The following CD36 variants were observed in gnomAD, a reference collection of about 807,000 sequenced individuals.
CD36 encodes platelet glycoprotein 4.
In CD36, 119 loss-of-function variants were observed where a neutral mutation model predicts 55.2. The ratio of observed to expected loss-of-function variants is 2.15; its 90% CI spans 1.86 to 2.51. The LOEUF (loss-of-function observed/expected upper bound fraction) is 2.51. Among genes scored for constraint, CD36 ranks in the 30% most tolerant of loss-of-function variants. The pLI is 0.00. For synonymous variants in CD36, 186 were observed against 193.6 expected (o/e 0.96, Z 0.33); for missense variants, 819 against 555.5 (o/e 1.47, Z -4.77).
At chr7:80,673,620 A>AAACAC in intron 13 of CD36, 1 of 571,754 alleles carries the variant, frequency 1.7e-6, no homozygotes, top group Non-Finnish European at 3.1e-6. Context: ...TGCATCTATT[A>AAACAC]AACACATTTT....
At chr7:80,604,844 TA>T (rs1192778433) in intron 1 of CD36, among the ~76,000 whole-genome samples, 3 of 152,042 alleles carry the variant, frequency 2.0e-5, no homozygotes, top group African/African-American at 7.2e-5. Context: ...TTTAGAAAAT[TA>T]AAAAAATATA....
chr7:80,672,068 T>C, intron 11 of CD36, 28 bp downstream of exon 11: 1 of 1,542,700 alleles, frequency 6.5e-7, no homozygotes. Flanking sequence ...TGATCTGATT[T>C]GGTTGATATT....
intron 6 of CD36, 52 bp from the exon 7 acceptor site, chr7:80,664,354 A>G (rs1487013101): frequency 3.1e-6 from 3 of 965,228 alleles, no homozygotes; most frequent in Non-Finnish European, 5.1e-6. Flanking sequence ...GTATTGTACA[A>G]CTTTGAAAAA....
chr7:80,614,600 T>G (rs1347997196), intron 1 of CD36, among the ~76,000 whole-genome samples: 2 of 152,086 alleles, frequency 1.3e-5, no homozygotes, highest in African/African-American at 4.8e-5. Context: ...AATCTTTGCT[T>G]CTTCTTCGCG....
At chr7:80,641,252 T>C (rs1416335685) in intron 1 of CD36, among the ~76,000 whole-genome samples, 1 of 152,144 alleles carries the variant, frequency 6.6e-6, no homozygotes, top group African/African-American at 2.4e-5. Flanking sequence ...AACATAATCA[T>C]AGTTAAATGA....
intron 5 of CD36, 47 bp from the exon 6 acceptor site, chr7:80,662,943 A>G: frequency 1.4e-6 from 2 of 1,434,954 alleles, no homozygotes; most frequent in Non-Finnish European, 2.0e-6. Flanking sequence ...TATTTGTTAA[A>G]ATCTAATATT....
chr7:80,674,076 A>AGTGTTG lies in CD36; in HGVS notation c.1353_1358dup (p.Gly452_Val453dup). ...TGGCCTGATAGAAATGATCTTACTC[A>AGTGTTG]GTGTTGGTGTGGTGATGTTTGTTGC... On this transcript the variant is annotated inframe_insertion, in exon 14 of 15. Coordinates refer to ENST00000447544, the MANE Select transcript of CD36 (RefSeq NM_001001548.3). 1 of 1,611,832 alleles carries AGTGTTG rather than the reference A, an allele frequency of 6.2e-7. No individual in the cohort carries two copies. The highest frequency in any genetic ancestry group is 8.5e-7 in the Non-Finnish European group (1 of 1,178,400).
upstream of CD36, among the ~76,000 whole-genome samples, chr7:80,636,387 A>T (rs1254386633): frequency 6.6e-6 from 1 of 152,108 alleles, no homozygotes; most frequent in East Asian, 1.9e-4. Flanking sequence ...GTGTATACAC[A>T]TGTCAAAATG....
At chr7:80,651,132 G>A (rs1315523592) in intron 3 of CD36, among the ~76,000 whole-genome samples, 1 of 152,018 alleles carries the variant, frequency 6.6e-6, no homozygotes, top group African/African-American at 2.4e-5. Context: ...GATTAATGCA[G>A]GAACAGAAAA....
intron 1 of CD36, among the ~76,000 whole-genome samples, chr7:80,603,659 A>G (rs1792367958): frequency 2.0e-5 from 3 of 151,986 alleles, no homozygotes; most frequent in Admixed American, 2.0e-4. Flanking sequence ...GATAATGATA[A>G]CTGTGTAATT....
intron 1 of CD36, among the ~76,000 whole-genome samples, chr7:80,622,317 G>A (rs1007693457): frequency 6.6e-6 from 1 of 152,232 alleles, no homozygotes; most frequent in African/African-American, 2.4e-5. Flanking sequence ...GCCAAGAGAG[G>A]CCCAGGTGGG....
intron 1 of CD36, among the ~76,000 whole-genome samples, chr7:80,628,258 C>G (rs1415460349): frequency 2.0e-5 from 3 of 151,932 alleles, no homozygotes; most frequent in Non-Finnish European, 4.4e-5. Context: ...ATTTAAAACT[C>G]TGGAATATAA....
intron 1 of CD36, among the ~76,000 whole-genome samples, chr7:80,633,006 A>AT (rs905066662): frequency 1.3e-5 from 2 of 151,818 alleles, no homozygotes; most frequent in African/African-American, 4.8e-5. Flanking sequence ...TGAATTATTG[A>AT]TTTTTTTCCT....
chr7:80,670,183 T>TG, intron 9 of CD36, 161 bp downstream of exon 9: 2 of 616,158 alleles, frequency 3.2e-6, no homozygotes, highest in Non-Finnish European at 5.7e-6. Context: ...GTACAAATTT[T>TG]TTTTTTTTTT....
In CD36 at chr7:80,678,292, C is replaced by A. The variant is rs1359996546; in HGVS notation, c.*1909C>A. ...AAAATTGTACCCTTTGATAGAAGCACATTTTCTTTCCAAAGCTGGTTATTA... is the reference window on the plus strand; with the variant it reads ...AAAATTGTACCCTTTGATAGAAGCAAATTTTCTTTCCAAAGCTGGTTATTA... On this transcript the variant is annotated 3_prime_UTR_variant, in exon 15 of 15. Coordinates refer to ENST00000447544, the MANE Select transcript of CD36 (RefSeq NM_001001548.3). The A allele has an allele frequency of 6.6e-6, 1 of 152,148 alleles. No homozygotes were observed. Among genetic ancestry groups the A allele is most frequent in the African/African-American group, 2.4e-5 (1 of 41,430 alleles). The allele number at this position is 152,148 out of a possible 1,614,324, so 9.4% of individuals were successfully genotyped here.
chr7:80,666,304 T>C lies in CD36; in HGVS notation c.702-139T>C, dbSNP rs972390968. 4 of 674,806 alleles carry C rather than the reference T, an allele frequency of 5.9e-6. No homozygotes were observed. The African/African-American group carries it at 7.1e-5, about 12-fold the overall frequency. The allele number at this position is 674,806 out of a possible 1,614,324, so 41.8% of individuals were successfully genotyped here. On this transcript the variant is annotated intron_variant, in intron 7 of 14. Transcript: ENST00000447544. Reference sequence around the variant, plus strand: ...GGTTCAAACAAAACATAAACAGAATTGAACATTTCTTAAACTTAGTACTTG... The same window carrying C: ...GGTTCAAACAAAACATAAACAGAATCGAACATTTCTTAAACTTAGTACTTG...
Position 80,656,760 on chromosome 7 carries a change from C to G in CD36, c.281+60C>G, listed in dbSNP as rs543438624. 17 of 1,449,386 alleles carry G rather than the reference C, an allele frequency of 1.2e-5. No homozygotes were observed. In the African/African-American group the frequency reaches 2.0e-4, roughly 17 times the overall value. 89.8% of individuals were successfully genotyped at this position (1,449,386 alleles called of 1,614,324 possible). On this transcript the variant is annotated intron_variant, in intron 4 of 14. Coordinates refer to ENST00000447544, the MANE Select transcript of CD36 (RefSeq NM_001001548.3). ...CCTTGACCATGTATTTCTGAGAAGT[C>G]TTCTACTTGGCAAATGTCATTGTAT...
At chr7:80,644,368 C>G (rs543641346) in intron 1 of CD36, among the ~76,000 whole-genome samples, 4 of 152,230 alleles carry the variant, frequency 2.6e-5, no homozygotes, top group African/African-American at 9.6e-5. Context: ...AAAAATGACA[C>G]TAAAGAACTA....
chr7:80,651,410 AAAATTT>A (rs1795609640), intron 3 of CD36, among the ~76,000 whole-genome samples: 1 of 152,180 alleles, frequency 6.6e-6, no homozygotes, highest in Admixed American at 6.6e-5. Context: ...AGAAAAAAAT[AAAATTT>A]AAATAAGTTC....
Sources: allele counts gnomAD v4.1 joint callset (sites outside exome capture counted in the v4.1 genomes callset), GRCh38; gene constraint gnomAD v4.1.1; transcripts MANE v1.5; gene names NCBI Gene and HGNC (gene_info 2026-07-23, HGNC 2026-07-21).